VPS13B: variants seen among roughly 807,000 people sequenced by gnomAD.
VPS13B encodes the protein intermembrane lipid transfer protein VPS13B.
A neutral mutation model predicts 426.4 loss-of-function variants in VPS13B; 285 were observed. That is an observed-to-expected ratio of 0.67 (90% CI 0.61 to 0.74). VPS13B has a LOEUF of 0.74. Among genes scored for constraint, VPS13B ranks in the 30% least tolerant of loss-of-function variants. The pLI is 0.00. For synonymous variants in VPS13B, 1,676 were observed against 1,676.4 expected, an observed-to-expected ratio of 1.00 and a Z score of 0.01; for missense variants, 4,537 against 4,782.6, an observed-to-expected ratio of 0.95 and a Z score of 1.51.
chr8:99,078,928 T>C (rs1379948937), intron 3 of VPS13B, among the ~76,000 whole-genome samples: 1 of 152,120 alleles, frequency 6.6e-6, no homozygotes, highest in Non-Finnish European at 1.5e-5. Flanking sequence ...GGTGGGTGTC[T>C]GTCTAGGCCC....
chr8:99,188,135 G>C (rs1380366334), intron 16 of VPS13B, among the ~76,000 whole-genome samples: 1 of 144,166 alleles, frequency 6.9e-6, no homozygotes, highest in Non-Finnish European at 1.5e-5. Context: ...ATACTTTAGG[G>C]ACCTAGTTTG....
intron 33 of VPS13B, among the ~76,000 whole-genome samples, chr8:99,618,282 CAAA>C (rs11301760): frequency 2.6e-3 from 299 of 117,218 alleles, no homozygotes; most frequent in African/African-American, 8.5e-3. Context: ...GTGTATATTT[CAAA>C]AAAAAAAAAA....
chr8:99,418,973 G>A (rs1042525618), intron 21 of VPS13B, among the ~76,000 whole-genome samples: 3 of 152,066 alleles, frequency 2.0e-5, no homozygotes, highest in Admixed American at 6.6e-5. Context: ...CATTTCTCTC[G>A]CAAAGGCCTT....
chr8:99,493,300 A>G (rs1199281819), intron 25 of VPS13B, among the ~76,000 whole-genome samples: 3 of 152,184 alleles, frequency 2.0e-5, no homozygotes, highest in African/African-American at 7.2e-5. Context: ...TACTCTCTTT[A>G]TAAATGAGTT....
intron 21 of VPS13B, among the ~76,000 whole-genome samples, chr8:99,396,500 A>C (rs1814732912): frequency 6.6e-6 from 1 of 152,070 alleles, no homozygotes; most frequent in Non-Finnish European, 1.5e-5. Flanking sequence ...TCCTTCTTCC[A>C]CTCTGAATAT....
intron 6 of VPS13B, 102 bp from the exon 7 acceptor site, chr8:99,115,598 C>A (rs1338994182): frequency 1.7e-6 from 2 of 1,152,824 alleles, no homozygotes; most frequent in Non-Finnish European, 2.5e-6. Context: ...TGGAGCATTT[C>A]TTTTATGTTA....
intron 3 of VPS13B, among the ~76,000 whole-genome samples, chr8:99,092,605 G>A (rs1039921751): frequency 6.6e-6 from 1 of 151,690 alleles, no homozygotes; most frequent in Non-Finnish European, 1.5e-5. Flanking sequence ...AATTTGATTG[G>A]GGCATGATTT....
intron 30 of VPS13B, among the ~76,000 whole-genome samples, chr8:99,549,984 C>T (rs1431062271): frequency 6.6e-6 from 1 of 152,024 alleles, no homozygotes; most frequent in Non-Finnish European, 1.5e-5. Context: ...TTATTTTATA[C>T]ATAACCTTTT....
rs1384555883 is a variant in VPS13B, at chr8:99,322,458, T to A, written c.2824+47204T>A. Among the ~76,000 whole-genome samples the A allele has an allele frequency of 2.0e-5, 3 of 152,188 alleles. No individual in the cohort carries two copies. In the East Asian group the frequency reaches 5.8e-4, roughly 29 times the overall value. On this transcript the variant is annotated intron_variant, in intron 19 of 61. Transcript: ENST00000357162. ...TGTTGCTCTGGAGGCATGAATGTAATTTTGCACATAAAAATATTCTACAAA... is the reference window on the plus strand; with the variant it reads ...TGTTGCTCTGGAGGCATGAATGTAAATTTGCACATAAAAATATTCTACAAA...
At chr8:99,326,452 C>CCTTTTTTTTTTT (rs1810266622) in intron 19 of VPS13B, among the ~76,000 whole-genome samples, 1 of 32,518 alleles carries the variant, frequency 3.1e-5, no homozygotes, top group Non-Finnish European at 5.2e-5. Flanking sequence ...CTCTAGGTAG[C>CCTTTTTTTTTTT]TTTTTTTTTT....
At chr8:99,185,507 G>A (rs1239241131) in intron 16 of VPS13B, among the ~76,000 whole-genome samples, 1 of 152,086 alleles carries the variant, frequency 6.6e-6, no homozygotes, top group Non-Finnish European at 1.5e-5. Context: ...TGGAAAAAGT[G>A]AACTAATCTT....
chr8:99,580,289 A>G (rs995260922), intron 33 of VPS13B, among the ~76,000 whole-genome samples: 2 of 149,250 alleles, frequency 1.3e-5, no homozygotes, highest in African/African-American at 4.9e-5. Flanking sequence ...GAAATTATGT[A>G]TATTTAATTA....
At chr8:99,187,745 G>T (rs1442059977) in intron 16 of VPS13B, among the ~76,000 whole-genome samples, 1 of 152,170 alleles carries the variant, frequency 6.6e-6, no homozygotes, top group Non-Finnish European at 1.5e-5. Flanking sequence ...GAGGCAGGAT[G>T]ATTGCTTGAG....
chr8:99,135,467 G>A, intron 10 of VPS13B, 129 bp from the exon 11 acceptor site: 1 of 1,241,096 alleles, frequency 8.1e-7, no homozygotes, highest in South Asian at 1.4e-5. Context: ...TGGAGCAGCA[G>A]CATTCCTTAT....
chr8:99,382,071 T>G (rs986201887), intron 19 of VPS13B, among the ~76,000 whole-genome samples: 4 of 152,216 alleles, frequency 2.6e-5, no homozygotes, highest in African/African-American at 4.8e-5. Context: ...GCACCATTTA[T>G]TGCGTAGGGA....
chr8:99,765,263 T>C (rs1032377416), intron 39 of VPS13B, among the ~76,000 whole-genome samples: 8 of 152,176 alleles, frequency 5.3e-5, no homozygotes, highest in African/African-American at 1.9e-4. Flanking sequence ...AAGTTGTTTT[T>C]TTCTCATGCT....
At chr8:99,087,295 G>T (rs964961436) in intron 3 of VPS13B, among the ~76,000 whole-genome samples, 1 of 152,176 alleles carries the variant, frequency 6.6e-6, no homozygotes, top group African/African-American at 2.4e-5. Flanking sequence ...CGTTTGCTAA[G>T]ACCGTTGGAA....
At chr8:99,869,342 C>A (rs1817272109) in intron 59 of VPS13B, among the ~76,000 whole-genome samples, 1 of 152,162 alleles carries the variant, frequency 6.6e-6, no homozygotes. Context: ...AGGCATCCTG[C>A]TCCTCAGCAG....
intron 24 of VPS13B, among the ~76,000 whole-genome samples, chr8:99,471,571 TCAAAGAAG>T (rs1433851481): frequency 1.3e-5 from 2 of 151,584 alleles, no homozygotes; most frequent in African/African-American, 4.8e-5. Context: ...TAAAAAATAT[TCAAAGAAG>T]CCAAAAGAAG....
Sources: allele counts gnomAD v4.1 joint callset (sites outside exome capture counted in the v4.1 genomes callset), GRCh38; gene constraint gnomAD v4.1.1; transcripts MANE v1.5; gene names NCBI Gene and HGNC (gene_info 2026-07-23, HGNC 2026-07-21).